The following MGRN1 variants were observed in gnomAD, a reference collection of about 807,000 sequenced individuals.
MGRN1 encodes the protein E3 ubiquitin-protein ligase MGRN1.
Under a neutral mutation model 69.2 loss-of-function variants are expected in MGRN1, and 29 were observed. The observed-to-expected ratio is 0.42, with a 90% CI of 0.31 to 0.57. The LOEUF is 0.57. Among genes scored for constraint, MGRN1 ranks in the 20% least tolerant of loss-of-function variants. MGRN1 has a pLI of 0.15. For missense variants in MGRN1, 998 were observed against 796.2 expected, an observed-to-expected ratio of 1.25 and a Z score of -3.05; for synonymous variants, 470 against 344.2, an observed-to-expected ratio of 1.37 and a Z score of -4.04.
Position 4,664,782 on chromosome 16 carries a change from G to GCGTCCTCTTC in MGRN1, c.628+15_628+24dup, listed in dbSNP as rs1339136965. On this transcript the variant is annotated splice_region_variant and intron_variant, in intron 6 of 16. Transcript: ENST00000262370. Reference sequence around the variant, plus strand: ...GTGGTGGACGAAGGAGATGGTGAGTGCGTCCTCTTCCGTCCTCCTGGGCGT... The same window carrying GCGTCCTCTTC: ...GTGGTGGACGAAGGAGATGGTGAGTGCGTCCTCTTCCGTCCTCTTCCGTCCTCCTGGGCGT... 1.2e-6 allele frequency: 2 copies of GCGTCCTCTTC among 1,614,142 alleles called. No homozygotes were observed. The highest frequency in any genetic ancestry group is 2.2e-5 in the East Asian group (1 of 44,884).
chr16:4,686,474 C>T, intron 16 of MGRN1: 1 of 1,393,198 alleles, frequency 7.2e-7, no homozygotes. Flanking sequence ...GGCTGCTGCA[C>T]CTTCCCCCAG....
At position 4,625,295 on chromosome 16, in the gene MGRN1, G is replaced by T. The variant is rs529492933; in HGVS notation, c.88+247G>T. On this transcript the variant is annotated intron_variant, in intron 1 of 16. Transcript: ENST00000262370. ...TGGGTGACCTTGGGGCAGTCCCTTC[G>T]CCCCGGGCACCTCAGCTCCGTCCTT... Among the ~76,000 whole-genome samples the T allele has an allele frequency of 2.4e-3, 369 of 152,280 alleles. 4 individuals are homozygous for T. The highest frequency in any genetic ancestry group is 8.7e-3 in the African/African-American group (360 of 41,564).
intron 1 of MGRN1, among the ~76,000 whole-genome samples, chr16:4,646,750 C>T (rs2078282974): frequency 6.6e-6 from 1 of 152,144 alleles, no homozygotes; most frequent in South Asian, 2.1e-4. Context: ...CGCTGGGGGC[C>T]CTCGTGGAGG....
intron 1 of MGRN1, among the ~76,000 whole-genome samples, chr16:4,629,193 A>T (rs916111297): frequency 2.7e-4 from 24 of 90,016 alleles, no homozygotes; most frequent in South Asian, 1.2e-3. Flanking sequence ...TGTGTGTGTG[A>T]AAAGTGTCTA....
At chr16:4,681,463 C>A in intron 12 of MGRN1, 87 bp from the exon 13 acceptor site, 1 of 1,301,144 alleles carries the variant, frequency 7.7e-7, no homozygotes, top group Non-Finnish European at 1.1e-6. Flanking sequence ...CCCCAAAGAA[C>A]AGAGTGGACA....
intron 5 of MGRN1, among the ~76,000 whole-genome samples, chr16:4,658,635 A>C (rs1161755230): frequency 6.6e-6 from 1 of 151,912 alleles, no homozygotes; most frequent in African/African-American, 2.4e-5. Flanking sequence ...GAGCTGACTT[A>C]CGCTGGGGCC....
chr16:4,673,797 CGTGGGCGT>C, intron 10 of MGRN1, 140 bp downstream of exon 10: 1 of 1,146,886 alleles, frequency 8.7e-7, no homozygotes, highest in Non-Finnish European at 1.2e-6. Flanking sequence ...CTGTGCTGAA[CGTGGGCGT>C]GTTGGCTGTC....
intron 16 of MGRN1, among the ~76,000 whole-genome samples, chr16:4,685,204 T>G (rs1392740262): frequency 1.3e-5 from 2 of 152,108 alleles, no homozygotes; most frequent in Non-Finnish European, 2.9e-5. Flanking sequence ...GATTAAAAAC[T>G]TGGGGGGTGA....
At chr16:4,686,188 T>C in intron 16 of MGRN1, 1 of 1,520,392 alleles carries the variant, frequency 6.6e-7, no homozygotes, top group East Asian at 2.5e-5. Context: ...CTGGTGCCCT[T>C]GCTGTGGCTG....
chr16:4,654,605 G>T (rs1020535019), intron 4 of MGRN1, among the ~76,000 whole-genome samples: 9 of 152,242 alleles, frequency 5.9e-5, no homozygotes, highest in Admixed American at 2.0e-4. Context: ...GAGAGCCTAG[G>T]CTTTGAATGC....
chr16:4,668,846 TCACA>T (rs967329498), intron 8 of MGRN1, among the ~76,000 whole-genome samples: 1 of 150,998 alleles, frequency 6.6e-6, no homozygotes, highest in African/African-American at 2.4e-5. Flanking sequence ...ACACATATAC[TCACA>T]CACATAAACT....
At chr16:4,670,266 G>C (rs2078909280) in intron 8 of MGRN1, among the ~76,000 whole-genome samples, 1 of 151,748 alleles carries the variant, frequency 6.6e-6, no homozygotes, top group African/African-American at 2.4e-5. Flanking sequence ...TTTTTGAGAT[G>C]GAGTCTCACT....
rs1169134282 is a variant in MGRN1 at position 4,681,752 on chromosome 16, G to C, written c.1334G>C (p.Arg445Thr). ...CTGGACAGCAGCCGCCAGAAGGGCA[G>C]GCCGCAGAGCAAGGCCCCCGACAGG... ...HILDSSRQKG[R>T]PQSKAPDSTL... Residue 445 changes from arginine to threonine, a missense_variant, in exon 13 of 17, where the codon AGG becomes ACG. Arg to Thr is a moderately conservative substitution (Grantham distance 71). Coordinates refer to ENST00000262370, the MANE Select transcript of MGRN1 (RefSeq NM_015246.4). 14 of 1,612,380 alleles carry C rather than the reference G, an allele frequency of 8.7e-6. No homozygotes were observed. The highest frequency in any genetic ancestry group is 6.7e-5 in the Admixed American group (4 of 59,976).
At chr16:4,682,311 T>C (rs1439961918) in intron 13 of MGRN1, among the ~76,000 whole-genome samples, 4 of 152,214 alleles carry the variant, frequency 2.6e-5, no homozygotes, top group Non-Finnish European at 5.9e-5. Context: ...AGGGCCTGGC[T>C]CCTGGGGTTG....
rs2078567790 is a variant in MGRN1 at position 4,657,293 on chromosome 16, A to G, written c.491A>G (p.Lys164Arg). ...CTACAGTCCGAGACCGTCCACTACA[A>G]GAGAGGGGTGAGCCAGCAGTTCTCC... Reference protein sequence around the residue: ...PSLQSETVHYKRGVSQQFSLP... With the variant: ...PSLQSETVHYRRGVSQQFSLP... Residue 164 changes from lysine to arginine, a missense_variant, in exon 5 of 17, where the codon AAG (lysine) becomes AGG (arginine). Transcript: ENST00000262370. 1.2e-6 allele frequency: 2 copies of G among 1,614,070 alleles called. No individual in the cohort carries two copies. The highest frequency in any genetic ancestry group is 1.1e-5 in the South Asian group (1 of 91,094).
rs761873418 is a variant in MGRN1, at chr16:4,681,679, G to C, written c.1261G>C (p.Asp421His). Residue 421 changes from aspartate (D) to histidine (H), a missense_variant, in exon 13 of 17, where the codon GAC becomes CAC. Transcript: ENST00000262370. ...YEEITYSGIS[D>H]GLSQASCPLA... ...AGAAATCACCTATTCAGGCATCTCG[G>C]ACGGCCTGTCCCAGGCCAGCTGTCC... The C allele has an allele frequency of 2.2e-5, 35 of 1,613,466 alleles. No homozygotes were observed. The Admixed American group carries it at 2.7e-4, about 12-fold the overall frequency.
At chr16:4,674,463 G>GT (rs1028088383) in intron 10 of MGRN1, among the ~76,000 whole-genome samples, 23 of 149,384 alleles carry the variant, frequency 1.5e-4, no homozygotes, top group Admixed American at 1.5e-3. Context: ...TAATTTTTGT[G>GT]TTTTAAGTGG....
At chr16:4,661,193 G>A (rs898240976) in intron 5 of MGRN1, among the ~76,000 whole-genome samples, 1 of 151,492 alleles carries the variant, frequency 6.6e-6, no homozygotes, top group Non-Finnish European at 1.5e-5. Context: ...TGCGTAGGCT[G>A]GTCTCAAACT....
At chr16:4,676,251 C>G (rs1201021097) in intron 10 of MGRN1, among the ~76,000 whole-genome samples, 1 of 152,184 alleles carries the variant, frequency 6.6e-6, no homozygotes, top group Non-Finnish European at 1.5e-5. Context: ...GTCGGCCTCT[C>G]CTGTCTGAAA....
Sources: allele counts gnomAD v4.1 joint callset (sites outside exome capture counted in the v4.1 genomes callset), GRCh38; gene constraint gnomAD v4.1.1; transcripts MANE v1.5; gene names NCBI Gene and HGNC (gene_info 2026-07-23, HGNC 2026-07-21).